The following OSBPL1A variants were observed in gnomAD, a reference collection of about 807,000 sequenced individuals.
The protein encoded by OSBPL1A is oxysterol binding protein like 1A.
In OSBPL1A, 80 loss-of-function variants were observed where a neutral mutation model predicts 137.1. The observed-to-expected ratio is 0.58, with a 90% CI of 0.49 to 0.70. The LOEUF is 0.70. Among genes scored for constraint, OSBPL1A ranks in the 30% least tolerant of loss-of-function variants. The pLI, the probability that OSBPL1A is intolerant of heterozygous loss-of-function variation, is 0.00. For missense variants in OSBPL1A, 970 were observed against 1,129.4 expected (o/e 0.86, Z 2.02); for synonymous variants, 365 against 389.7 (o/e 0.94, Z 0.75).
chr18:24,232,224 A>C (rs1453189310), intron 16 of OSBPL1A, among the ~76,000 whole-genome samples: 1 of 152,220 alleles, frequency 6.6e-6, no homozygotes, highest in Non-Finnish European at 1.5e-5. Context: ...AACACAACCT[A>C]ACATATTTAA....
chr18:24,231,358 T>C (rs568225369), intron 16 of OSBPL1A, among the ~76,000 whole-genome samples: 13 of 152,290 alleles, frequency 8.5e-5, no homozygotes, highest in African/African-American at 2.9e-4. Context: ...AGTGGCGTGA[T>C]CTCAGTTCAC....
intron 17 of OSBPL1A, among the ~76,000 whole-genome samples, chr18:24,198,241 C>T (rs553056905): frequency 1.3e-5 from 2 of 152,294 alleles, no homozygotes; most frequent in African/African-American, 4.8e-5. Context: ...TGCTACCATT[C>T]TAACTAAAGG....
intron 14 of OSBPL1A, 37 bp downstream of exon 14, chr18:24,303,600 T>C: frequency 6.5e-7 from 1 of 1,541,702 alleles, no homozygotes; most frequent in Non-Finnish European, 9.0e-7. Flanking sequence ...ATCTATGTGT[T>C]AAAGAGTGAT....
intron 17 of OSBPL1A, among the ~76,000 whole-genome samples, chr18:24,202,752 C>G (rs916094774): frequency 5.9e-5 from 9 of 152,162 alleles, no homozygotes; most frequent in South Asian, 4.1e-4. Flanking sequence ...TTCCAACGGA[C>G]AAGAAAAAAG....
At chr18:24,180,749 T>C (rs901830245) in intron 19 of OSBPL1A, among the ~76,000 whole-genome samples, 4 of 149,810 alleles carry the variant, frequency 2.7e-5, no homozygotes, top group African/African-American at 7.3e-5. Flanking sequence ...TAGTGGCGGG[T>C]GCCTGTAGTC....
chr18:24,215,974 G>T (rs1186070323), intron 17 of OSBPL1A, among the ~76,000 whole-genome samples: 1 of 152,160 alleles, frequency 6.6e-6, no homozygotes, highest in African/African-American at 2.4e-5. Flanking sequence ...ACATCCTGGG[G>T]ATTATAAGTG....
chr18:24,360,411 A>G (rs553214794), intron 4 of OSBPL1A, among the ~76,000 whole-genome samples: 1 of 152,326 alleles, frequency 6.6e-6, no homozygotes, highest in African/African-American at 2.4e-5. Context: ...ATGGTAAATG[A>G]TCACATAGGA....
At chr18:24,283,954 A>G (rs1001502496) in intron 14 of OSBPL1A, among the ~76,000 whole-genome samples, 1 of 151,616 alleles carries the variant, frequency 6.6e-6, no homozygotes, top group Non-Finnish European at 1.5e-5. Flanking sequence ...AAATATATAT[A>G]TATGTGTGTG....
At chr18:24,204,118 T>A (rs2087299150) in intron 17 of OSBPL1A, among the ~76,000 whole-genome samples, 1 of 152,256 alleles carries the variant, frequency 6.6e-6, no homozygotes, top group African/African-American at 2.4e-5. Context: ...GCGGCCAGAC[T>A]GCTTTTGGAG....
chr18:24,266,955 A>AT (rs1457783355), intron 15 of OSBPL1A, among the ~76,000 whole-genome samples: 1 of 152,072 alleles, frequency 6.6e-6, no homozygotes, highest in East Asian at 1.9e-4. Flanking sequence ...GTAAAATTTA[A>AT]TTTTAAAAAA....
intron 14 of OSBPL1A, among the ~76,000 whole-genome samples, chr18:24,302,206 C>T (rs2090415286): frequency 6.8e-6 from 1 of 146,092 alleles, no homozygotes. Flanking sequence ...TGCACTCCAG[C>T]CTGGGAGGCA....
At chr18:24,288,573 G>A (rs1035064952) in intron 14 of OSBPL1A, among the ~76,000 whole-genome samples, 7 of 152,054 alleles carry the variant, frequency 4.6e-5, no homozygotes, top group Admixed American at 3.3e-4. Flanking sequence ...TTCGAGACTA[G>A]CCTGGCCAAC....
rs1184956590 is a variant in OSBPL1A, at chr18:24,271,501, T to A, written c.1281+9341A>T. 2.1e-6 allele frequency: 2 copies of A among 951,328 alleles called. No homozygotes were observed. Among genetic ancestry groups the A allele is most frequent in the African/African-American group, 3.5e-5 (2 of 56,610 alleles). 58.9% of individuals were successfully genotyped at this position (951,328 alleles called of 1,614,324 possible). A position where few individuals can be genotyped will look rare whatever the true frequency, so the allele number is the denominator to read the frequency against. On this transcript the variant is annotated intron_variant, in intron 15 of 27. Coordinates refer to ENST00000319481, the MANE Select transcript of OSBPL1A (RefSeq NM_080597.4). The surrounding 1 kb of genome is among the most constrained non-coding windows in gnomAD (Gnocchi z 4.0). ...CACTCTGCACACACACGTCCAACTA[T>A]TCTTGGATCTACTCACATCCCTGGA...
At chr18:24,316,059 G>A (rs2090729998) in intron 11 of OSBPL1A, among the ~76,000 whole-genome samples, 1 of 150,470 alleles carries the variant, frequency 6.6e-6, no homozygotes, top group South Asian at 2.1e-4. Context: ...TCAGGAGTTC[G>A]AGACCAGCCT....
At chr18:24,365,836 C>T (rs1261738230) in intron 4 of OSBPL1A, among the ~76,000 whole-genome samples, 1 of 152,204 alleles carries the variant, frequency 6.6e-6, no homozygotes, top group African/African-American at 2.4e-5. Flanking sequence ...TCTCCTACTA[C>T]AGCAAGTAAC....
At chr18:24,376,386 G>A (rs559943650) in intron 2 of OSBPL1A, among the ~76,000 whole-genome samples, 5 of 152,314 alleles carry the variant, frequency 3.3e-5, no homozygotes, top group South Asian at 2.1e-4. Flanking sequence ...TGAACTAGAC[G>A]CAGGGTGCTG....
intron 1 of OSBPL1A, among the ~76,000 whole-genome samples, chr18:24,393,604 C>T (rs949505458): frequency 6.6e-6 from 1 of 152,200 alleles, no homozygotes; most frequent in Non-Finnish European, 1.5e-5. Context: ...AGCTGCCCGC[C>T]ACCACGCCTG....
At chr18:24,358,270 G>C in intron 4 of OSBPL1A, 1 of 568,212 alleles carries the variant, frequency 1.8e-6, no homozygotes, top group Non-Finnish European at 3.1e-6. Context: ...ATCCATGACT[G>C]ACTGTCCCAG....
chr18:24,310,928 G>T (rs982527018), intron 13 of OSBPL1A, among the ~76,000 whole-genome samples: 2 of 152,112 alleles, frequency 1.3e-5, no homozygotes, highest in Non-Finnish European at 2.9e-5. Flanking sequence ...CAGTTTTAAT[G>T]TTACTTAAAT....
Sources: gnomAD v4.1 joint callset for allele counts (sites outside exome capture counted in the v4.1 genomes callset) on GRCh38, gnomAD v4.1.1 for gene constraint, Gnocchi (gnomAD v3.1) non-coding constraint, MANE v1.5 for transcripts, NCBI Gene and HGNC (gene_info 2026-07-23, HGNC 2026-07-21) for gene names.